SLC12A2: variants seen among roughly 807,000 people sequenced by gnomAD.
SLC12A2 encodes Na-K-2Cl cotransporter 1.
Under a neutral mutation model 136.3 loss-of-function variants are expected in SLC12A2, and 67 were observed. The observed-to-expected ratio is 0.49, with a 90% confidence interval of 0.40 to 0.60. The LOEUF (loss-of-function observed/expected upper bound fraction) is 0.60. Among genes scored for constraint, SLC12A2 ranks in the 20% least tolerant of loss-of-function variants. The pLI, the probability that SLC12A2 is intolerant of heterozygous loss-of-function variation, is 0.00. For synonymous variants in SLC12A2, 619 were observed against 562.9 expected, an observed-to-expected ratio of 1.10 and a Z score of -1.41; for missense variants, 1,322 against 1,534.7, an observed-to-expected ratio of 0.86 and a Z score of 2.32.
chr5:128,121,292 A>G (rs1490639144), intron 4 of SLC12A2, among the ~76,000 whole-genome samples: 1 of 152,124 alleles, frequency 6.6e-6, no homozygotes, highest in Admixed American at 6.5e-5. Flanking sequence ...ATTCAATTTT[A>G]GTACTGATGT....
chr5:128,139,018 A>G (rs1161871915), intron 9 of SLC12A2, 110 bp downstream of exon 9: 12 of 749,468 alleles, frequency 1.6e-5, no homozygotes, highest in Non-Finnish European at 2.6e-5. Flanking sequence ...AAATATTTCA[A>G]TAAAAAGACA....
Position 128,178,642 on chromosome 5 carries a change from A to T in SLC12A2, c.3053A>T (p.Lys1018Ile). The change falls in exon 22 of 27, where the codon AAA (lysine) becomes ATA (isoleucine). Residue 1018 changes from lysine to isoleucine, a missense_variant. Lys to Ile is a moderately radical substitution (Grantham distance 102). This residue lies in a region of SLC12A2 where 226 missense variants were observed against 210.4 expected (regional missense o/e 1.07). Transcript: ENST00000262461. ...LLEASTQFQK[K>I]QGKNTIDVWW... ...GAAGCTAGTACACAGTTTCAGAAAA[A>T]ACAAGGAAAGAATACTATTGATGTC... 1 of 1,602,982 alleles carries T rather than the reference A, an allele frequency of 6.2e-7. No homozygotes were observed.
intron 22 of SLC12A2, 92 bp downstream of exon 22, chr5:128,178,781 A>G (rs1187941348): frequency 1.0e-6 from 1 of 990,554 alleles, no homozygotes; most frequent in Non-Finnish European, 1.4e-6. Flanking sequence ...TGTGGACCCC[A>G]TTCAAATTTT....
At chr5:128,130,514 C>A (rs1206106309) in intron 4 of SLC12A2, among the ~76,000 whole-genome samples, 987 of 80,966 alleles carry the variant, frequency 0.012, no homozygotes, top group East Asian at 0.018. Context: ...GACTCTGTCT[C>A]AAAAAAAAAA....
intron 11 of SLC12A2, 66 bp downstream of exon 11, chr5:128,147,795 T>TAACACAATATTA: frequency 1.0e-6 from 1 of 956,746 alleles, no homozygotes. Context: ...CAATTTAGAA[T>TAACACAATATTA]TGTTGCTATT....
At chr5:128,106,993 T>G (rs1760962329) in intron 1 of SLC12A2, among the ~76,000 whole-genome samples, 2 of 152,208 alleles carry the variant, frequency 1.3e-5, no homozygotes, top group African/African-American at 4.8e-5. Context: ...TTTTAAAGTC[T>G]GCTTCCATTA....
In SLC12A2 at chr5:128,083,849, C is replaced by G; in HGVS notation, c.-106C>G. On this transcript the variant is annotated 5_prime_UTR_variant, in exon 1 of 27. Transcript: ENST00000262461. ...CCCGCAGGCGGCGGGGAGAAAGACTCTCTCACCTGGTCTTGCGGCTGTGGC... is the reference window on the plus strand; with the variant it reads ...CCCGCAGGCGGCGGGGAGAAAGACTGTCTCACCTGGTCTTGCGGCTGTGGC... 2 of 848,416 alleles carry G rather than the reference C, an allele frequency of 2.4e-6. No homozygotes were observed. The highest frequency in any genetic ancestry group is 3.1e-6 in the Non-Finnish European group (2 of 644,048). 52.6% of individuals were successfully genotyped at this position (848,416 alleles called of 1,614,324 possible).
At chr5:128,165,155 T>C (rs939157936) in intron 17 of SLC12A2, among the ~76,000 whole-genome samples, 5 of 152,126 alleles carry the variant, frequency 3.3e-5, no homozygotes, top group Admixed American at 6.5e-5. Context: ...GACTTCACTA[T>C]TTTAAAAAAG....
At chr5:128,174,816 C>G in intron 20 of SLC12A2, 150 bp downstream of exon 20, 1 of 558,816 alleles carries the variant, frequency 1.8e-6, no homozygotes, top group Non-Finnish European at 3.0e-6. Flanking sequence ...TTATGGCTTT[C>G]AAAAATGGCT....
intron 4 of SLC12A2, among the ~76,000 whole-genome samples, chr5:128,120,187 A>G (rs1320120475): frequency 1.3e-5 from 2 of 152,094 alleles, no homozygotes; most frequent in Non-Finnish European, 2.9e-5. Context: ...TAGAATGGCA[A>G]TCATTAAAAA....
At chr5:128,144,695 A>G (rs532380904) in intron 10 of SLC12A2, among the ~76,000 whole-genome samples, 2 of 152,170 alleles carry the variant, frequency 1.3e-5, no homozygotes, top group East Asian at 1.9e-4. Flanking sequence ...GTGTTTGTAC[A>G]CACACACATG....
rs1234322391 is a variant in SLC12A2 at position 128,138,641 on chromosome 5, G to A, written c.1453G>A (p.Glu485Lys). The change falls in exon 8 of 27, where the codon GAG becomes AAG. Residue 485 changes from glutamate to lysine, a missense_variant. By Grantham distance (56) the Glu-to-Lys change is moderately conservative. Transcript: ENST00000262461. ...CTTTGGGCCCGATTTTCGAGAGGAA[G>A]AGACTTTCTTTTCTGTATTTGCCAT... is the stretch of plus-strand genomic sequence containing the variant. The part of the protein sequence containing the change: ...ENFGPDFREE[E>K]TFFSVFAIFF... 1 of 1,613,488 alleles carries A rather than the reference G, an allele frequency of 6.2e-7. No individual in the cohort carries two copies. The highest frequency in any genetic ancestry group is 1.3e-5 in the African/African-American group (1 of 74,988).
chr5:128,147,820 T>C, intron 11 of SLC12A2, 91 bp downstream of exon 11: 1 of 750,880 alleles, frequency 1.3e-6, no homozygotes, highest in Non-Finnish European at 2.3e-6. Flanking sequence ...AATTATTTGC[T>C]TCTATCAACC....
chr5:128,116,418 TC>T (rs1437585870), intron 4 of SLC12A2, among the ~76,000 whole-genome samples: 1 of 140,362 alleles, frequency 7.1e-6, no homozygotes, highest in Non-Finnish European at 1.6e-5. Flanking sequence ...TATATATATA[TC>T]TCTTTACAAA....
chr5:128,137,763 T>G (rs771440470), intron 7 of SLC12A2, among the ~76,000 whole-genome samples: 3 of 151,064 alleles, frequency 2.0e-5, no homozygotes, highest in Non-Finnish European at 2.9e-5. Flanking sequence ...GCTTTTATTG[T>G]TGTTGAAATA....
chr5:128,166,972 C>CTTGAATTATTTGAAATT (rs1293270336), intron 17 of SLC12A2, among the ~76,000 whole-genome samples: 1 of 151,786 alleles, frequency 6.6e-6, no homozygotes, highest in Admixed American at 6.6e-5. Context: ...TTCAACCAAC[C>CTTGAATTATTTGAAATT]ATGGCTTGAA....
At position 128,134,234 on chromosome 5, in the gene SLC12A2, C is replaced by G. The variant is rs779677826; in HGVS notation, c.1258C>G (p.Leu420Val). ...TATTGGAGCCATTACAGTCGTGATT[C>G]TTTTAGGTATCTCAGTAGCTGGAAT... is the stretch of plus-strand genomic sequence containing the variant. ...RIIGAITVVI[L>V]LGISVAGMEW... The change falls in exon 6 of 27, where the codon CTT becomes GTT. Residue 420 changes from leucine (L) to valine (V), a missense_variant. Around this residue, in one of 8 missense-constraint regions of SLC12A2, gnomAD observed 110 missense variants for 114.5 expected, o/e 0.96. Transcript: ENST00000262461. 2.2e-5 allele frequency: 35 copies of G among 1,603,724 alleles called. No individual in the cohort carries two copies. Among genetic ancestry groups the G allele is most frequent in the Non-Finnish European group, 2.6e-5 (31 of 1,171,840 alleles).
chr5:128,150,241 C>T (rs1229650692), intron 13 of SLC12A2, 143 bp downstream of exon 13: 4 of 608,558 alleles, frequency 6.6e-6, no homozygotes, highest in Non-Finnish European at 1.2e-5. Context: ...TCAAATTAAG[C>T]TTTCAAAGAT....
At chr5:128,115,651 A>G (rs1237318654) in intron 4 of SLC12A2, among the ~76,000 whole-genome samples, 2 of 152,220 alleles carry the variant, frequency 1.3e-5, no homozygotes, top group Non-Finnish European at 2.9e-5. Context: ...GAGAAAGGAG[A>G]CAAAATGTCT....
Sources: allele counts gnomAD v4.1 joint callset (sites outside exome capture counted in the v4.1 genomes callset), GRCh38; gene constraint gnomAD v4.1.1; regional missense constraint gnomAD v4.1.1; transcripts MANE v1.5; gene names NCBI Gene and HGNC (gene_info 2026-07-23, HGNC 2026-07-21).